The following THOC2 variants were observed in gnomAD, a reference collection of about 807,000 sequenced individuals.
The protein encoded by THOC2 is THO complex 2.
Under a neutral mutation model 128.4 loss-of-function variants are expected in THOC2, and 10 were observed. The observed-to-expected ratio is 0.08, with a 90% confidence interval of 0.05 to 0.13. THOC2 has a LOEUF of 0.13. Ranked by LOEUF, THOC2 falls within the 10% of genes least tolerant of loss-of-function variation. The probability of loss-of-function intolerance (pLI) is 1.00; values close to 1 mark genes in which losing one functional copy is unlikely to be tolerated. For missense variants in THOC2, 535 were observed against 1,155.7 expected (o/e 0.46, Z 7.79); for synonymous variants, 393 against 396.9 (o/e 0.99, Z 0.12).
chrX:123,656,480 A>G (rs2048593317), intron 12 of THOC2, among the ~76,000 whole-genome samples: 1 of 111,078 alleles, frequency 9.0e-6, no homozygotes, highest in African/African-American at 3.3e-5. Context: ...AGGCCAAGGC[A>G]GGTGTATCAC....
At chrX:123,602,347 GATAA>G in intron 38 of THOC2, 1 of 112,161 alleles carries the variant, frequency 8.9e-6, no homozygotes, top group East Asian at 2.8e-4. Context: ...TTGCTGAATG[GATAA>G]ATAAAATGTG....
chrX:123,667,170 G>C lies in THOC2; in HGVS notation c.1126C>G (p.His376Asp), dbSNP rs1473466933. The C allele has an allele frequency of 1.7e-6, 2 of 1,204,257 alleles. No homozygotes were observed. Among genetic ancestry groups the C allele is most frequent in the Non-Finnish European group, 2.2e-6 (2 of 891,134 alleles). Residue 376 changes from histidine (H) to aspartate (D), a missense_variant, in exon 11 of 39, where the codon CAC becomes GAC. His to Asp is a moderately conservative substitution (Grantham distance 81). Transcript: ENST00000245838. ...CAAATAGCAAGGGCTATTAGCTTGT[G>C]TGAAGCTGCATAGTATGGAGGCATC... ...DQMPPYYAAS[H>D]KLIALAICKL...
intron 1 of THOC2, among the ~76,000 whole-genome samples, chrX:123,713,751 G>C (rs1021999009): frequency 3.7e-5 from 4 of 109,222 alleles, no homozygotes; most frequent in Non-Finnish European, 3.8e-5. Flanking sequence ...GGGAGGCTGG[G>C]GTGAAAAAAT....
Position 123,622,778 on chromosome X carries a change from A to G in THOC2, c.3765T>C (p.Asn1255=). 8.4e-7 allele frequency: 1 copy of G among 1,190,350 alleles called. No individual in the cohort carries two copies. Among genetic ancestry groups the G allele is most frequent in the Non-Finnish European group, 1.1e-6 (1 of 878,092 alleles). Residue 1255 remains asparagine, a synonymous_variant, in exon 30 of 39, where the codon AAT becomes AAC. Transcript: ENST00000245838. ...SSTTPKGNSS[N]GNSGSNSNKA... ...CCTACCTGTTAGAGCCACTATTTCC[A>G]TTGCTTGAATTCCCTTTAGGTGTGG...
intron 12 of THOC2, among the ~76,000 whole-genome samples, chrX:123,664,927 A>G (rs1219170713): frequency 1.8e-5 from 2 of 112,090 alleles, no homozygotes; most frequent in African/African-American, 3.2e-5. Flanking sequence ...CTTCTTACAC[A>G]TAGCAGCAAT....
intron 16 of THOC2, among the ~76,000 whole-genome samples, chrX:123,639,404 C>T (rs2047817116): frequency 9.0e-6 from 1 of 111,607 alleles, no homozygotes; most frequent in South Asian, 3.7e-4. Context: ...TTTCCATTTG[C>T]TTGTATCATC....
intron 25 of THOC2, 95 bp downstream of exon 25, chrX:123,625,817 A>G: frequency 1.1e-6 from 1 of 938,385 alleles, no homozygotes; most frequent in African/African-American, 2.0e-5. Flanking sequence ...TCTTGAGTTC[A>G]TGCTTTTTAA....
rs1033746960 is a variant in THOC2 at position 123,706,234 on chromosome X, A to G, written c.222+624T>C. ...AACAATTGCAATTTAAAATAATTTA[A>G]TCCTCAATTTTTAAAATATATTTAA... On this transcript the variant is annotated intron_variant, in intron 3 of 38. Coordinates refer to ENST00000245838, the MANE Select transcript of THOC2 (RefSeq NM_001081550.2). Among the ~76,000 whole-genome samples the G allele has an allele frequency of 7.1e-5, 8 of 112,052 alleles. No individual in the cohort carries two copies. In the South Asian group the frequency reaches 2.2e-3, roughly 31 times the overall value.
chrX:123,686,108 A>G (rs943473757), intron 8 of THOC2, among the ~76,000 whole-genome samples: 7 of 111,865 alleles, frequency 6.3e-5, no homozygotes, highest in African/African-American at 2.3e-4. Context: ...ATACCTTCCC[A>G]ATTTCATTTC....
At chrX:123,653,313 G>A (rs752283752) in intron 12 of THOC2, among the ~76,000 whole-genome samples, 32 of 111,601 alleles carry the variant, frequency 2.9e-4, no homozygotes, top group Non-Finnish European at 4.3e-4. Context: ...CCTCAAACCC[G>A]AAAAACCCTA....
At chrX:123,618,459 T>C (rs1199973677) in intron 33 of THOC2, among the ~76,000 whole-genome samples, 2 of 111,886 alleles carry the variant, frequency 1.8e-5, no homozygotes, top group Non-Finnish European at 3.8e-5. Flanking sequence ...TCATTATAAA[T>C]CTATACATCT....
intron 8 of THOC2, among the ~76,000 whole-genome samples, chrX:123,679,759 C>T (rs2049671593): frequency 8.9e-6 from 1 of 112,123 alleles, no homozygotes; most frequent in Non-Finnish European, 1.9e-5. Context: ...CCTTGAGATG[C>T]TGTTAATCTG....
chrX:123,629,206 A>AC (rs1556020403), intron 22 of THOC2, among the ~76,000 whole-genome samples: 2 of 81,962 alleles, frequency 2.4e-5, no homozygotes, highest in African/African-American at 9.0e-5. Flanking sequence ...ATTATACATG[A>AC]ACACACACAC....
In THOC2 at chrX:123,626,566, C is replaced by T. The variant is rs766995263; in HGVS notation, c.2854G>A (p.Val952Ile). The T allele has an allele frequency of 9.5e-5, 114 of 1,202,571 alleles. No individual in the cohort carries two copies. The highest frequency in any genetic ancestry group is 1.2e-4 in the Non-Finnish European group (110 of 892,424). The change falls in exon 24 of 39, where the codon GTT (valine) becomes ATT (isoleucine). Residue 952 changes from valine to isoleucine, a missense_variant. Val to Ile is a conservative substitution (Grantham distance 29). Transcript: ENST00000245838. The part of the protein sequence containing the change: ...EKKQMEHVQR[V>I]LQRLKLEKDN... ...TTTTCCAGTTTCAATCTCTGTAGAA[C>T]TCTCTGTACATGTTCCATCTGTTTC...
intron 12 of THOC2, among the ~76,000 whole-genome samples, chrX:123,649,346 A>G (rs1430874580): frequency 1.8e-5 from 2 of 111,828 alleles, no homozygotes; most frequent in East Asian, 5.7e-4. Flanking sequence ...TGAAGATGAG[A>G]AAAAAACAGC....
chrX:123,687,644 A>G (rs2050052957), intron 7 of THOC2, among the ~76,000 whole-genome samples: 1 of 111,944 alleles, frequency 8.9e-6, no homozygotes, highest in Non-Finnish European at 1.9e-5. Flanking sequence ...TGATATCTCC[A>G]GTTACTTATA....
At chrX:123,626,960 C>G (rs757074395) in intron 23 of THOC2, among the ~76,000 whole-genome samples, 230 of 111,903 alleles carry the variant, frequency 2.1e-3, no homozygotes, top group Non-Finnish European at 3.7e-3. Context: ...GCCTTGTACA[C>G]TGCCACTACC....
chrX:123,619,262 A>G (rs2047002431), intron 33 of THOC2, 139 bp downstream of exon 33: 1 of 342,611 alleles, frequency 2.9e-6, no homozygotes, highest in South Asian at 1.1e-4. Flanking sequence ...AATATTTTTG[A>G]AGGTTATTCA....
intron 15 of THOC2, among the ~76,000 whole-genome samples, chrX:123,644,213 T>C (rs2048037488): frequency 8.9e-6 from 1 of 112,402 alleles, no homozygotes; most frequent in Non-Finnish European, 1.9e-5. Context: ...CTTTCAGCAG[T>C]GGAAATTGCT....
Sources: gnomAD v4.1 joint callset for allele counts (sites outside exome capture counted in the v4.1 genomes callset) on GRCh38, gnomAD v4.1.1 for gene constraint, MANE v1.5 for transcripts, NCBI Gene and HGNC (gene_info 2026-07-23, HGNC 2026-07-21) for gene names.